Variants in KCNMA1 observed in about 807,000 individuals in gnomAD.
KCNMA1 encodes Calcium-activated potassium channel subunit alpha-1.
KCNMA1 carries 29 observed loss-of-function variants against 140.0 expected under a neutral mutation model. The ratio of observed to expected loss-of-function variants is 0.21; its 90% confidence interval spans 0.15 to 0.28. KCNMA1 has a LOEUF of 0.28. KCNMA1 is among the 10% of genes least tolerant of loss of function. The pLI is 1.00. For synonymous variants in KCNMA1, 612 were observed against 611.9 expected (o/e 1.00, Z 0.00); for missense variants, 880 against 1,602.2 (o/e 0.55, Z 7.70).
At chr10:76,907,596 T>A (rs2048318246) in intron 25 of KCNMA1, among the ~76,000 whole-genome samples, 1 of 152,182 alleles carries the variant, frequency 6.6e-6, no homozygotes. Context: ...TGGAGTGCAG[T>A]GGCGCTATAT....
chr10:77,197,424 A>G (rs933102728), intron 3 of KCNMA1, among the ~76,000 whole-genome samples: 7 of 152,162 alleles, frequency 4.6e-5, no homozygotes, highest in African/African-American at 1.7e-4. Flanking sequence ...CTAGCTTCTA[A>G]TTATTTGTCA....
intron 1 of KCNMA1, among the ~76,000 whole-genome samples, chr10:77,577,792 T>C (rs1422557905): frequency 2.0e-5 from 3 of 152,188 alleles, no homozygotes; most frequent in Non-Finnish European, 4.4e-5. Flanking sequence ...GTTGTGCTGG[T>C]GACATCCCCC....
intron 2 of KCNMA1, among the ~76,000 whole-genome samples, chr10:77,393,625 C>T (rs1431390079): frequency 1.3e-5 from 2 of 152,158 alleles, no homozygotes; most frequent in East Asian, 1.9e-4. Flanking sequence ...ACTGCCCAGC[C>T]GCACCACACA....
chr10:76,931,590 G>T (rs978792957), intron 23 of KCNMA1, among the ~76,000 whole-genome samples: 1 of 151,846 alleles, frequency 6.6e-6, no homozygotes, highest in Non-Finnish European at 1.5e-5. Context: ...CATGGGTCCT[G>T]CTCTGGAAGG....
At chr10:77,044,247 C>G (rs1278005003) in intron 14 of KCNMA1, among the ~76,000 whole-genome samples, 1 of 152,030 alleles carries the variant, frequency 6.6e-6, no homozygotes, top group Non-Finnish European at 1.5e-5. Flanking sequence ...CACCTTCTAT[C>G]AAGGTAACTT....
At chr10:76,977,336 T>C (rs1352088562) in intron 19 of KCNMA1, among the ~76,000 whole-genome samples, 1 of 152,150 alleles carries the variant, frequency 6.6e-6, no homozygotes, top group African/African-American at 2.4e-5. Context: ...TTTAAGTCAT[T>C]GGGGAAACAA....
intron 1 of KCNMA1, among the ~76,000 whole-genome samples, chr10:77,447,500 G>A (rs1047227550): frequency 6.6e-6 from 1 of 152,226 alleles, no homozygotes; most frequent in African/African-American, 2.4e-5. Context: ...TCTACTTGCT[G>A]ACGGAGCTCT....
intron 19 of KCNMA1, among the ~76,000 whole-genome samples, chr10:76,992,640 A>G (rs1358548201): frequency 6.6e-6 from 1 of 152,182 alleles, no homozygotes; most frequent in African/African-American, 2.4e-5. Flanking sequence ...GCCTACCACC[A>G]TGAGGGAACC....
At chr10:77,006,837 T>C (rs2088914259) in intron 18 of KCNMA1, among the ~76,000 whole-genome samples, 1 of 152,310 alleles carries the variant, frequency 6.6e-6, no homozygotes. Flanking sequence ...CAAGCCATGT[T>C]TAAAGGGTTC....
intron 1 of KCNMA1, among the ~76,000 whole-genome samples, chr10:77,445,727 T>C (rs1340533242): frequency 4.6e-5 from 7 of 152,042 alleles, no homozygotes; most frequent in Non-Finnish European, 1.0e-4. Context: ...CTCAGGAAAC[T>C]CAATCCCACC....
chr10:76,883,058 A>C (rs1406487157), downstream of KCNMA1, among the ~76,000 whole-genome samples: 1 of 152,144 alleles, frequency 6.6e-6, no homozygotes, highest in African/African-American at 2.4e-5. Context: ...GCTGCAGAAG[A>C]GCCAGACAAA....
At chr10:77,000,894 ATATATATC>A in intron 19 of KCNMA1, among the ~76,000 whole-genome samples, 3 of 120,190 alleles carry the variant, frequency 2.5e-5, no homozygotes, top group Non-Finnish European at 5.2e-5. Context: ...ATATATATAT[ATATATATC>A]CATCTGCATC....
intron 1 of KCNMA1, among the ~76,000 whole-genome samples, chr10:77,631,092 G>C (rs2093135656): frequency 8.0e-6 from 1 of 125,392 alleles, no homozygotes; most frequent in South Asian, 2.6e-4. Context: ...GGGCAACAGA[G>C]TGAGACCCTG....
At chr10:77,505,477 TG>T (rs1311144788) in intron 1 of KCNMA1, among the ~76,000 whole-genome samples, 1 of 152,184 alleles carries the variant, frequency 6.6e-6, no homozygotes, top group African/African-American at 2.4e-5. Flanking sequence ...AGAGAGGAAA[TG>T]GGGTAGAAGC....
chr10:77,618,631 C>T (rs1018939669), intron 1 of KCNMA1, among the ~76,000 whole-genome samples: 3 of 152,162 alleles, frequency 2.0e-5, no homozygotes, highest in African/African-American at 7.2e-5. Flanking sequence ...AAAGGCCAAG[C>T]ATATCAGAGG....
intron 2 of KCNMA1, among the ~76,000 whole-genome samples, chr10:77,337,351 T>C (rs749321397): frequency 5.3e-5 from 8 of 152,240 alleles, no homozygotes; most frequent in Admixed American, 1.3e-4. Context: ...CTCATGCCTG[T>C]AATCCCAGCA....
chr10:77,546,768 G>A (rs898843251), intron 1 of KCNMA1, among the ~76,000 whole-genome samples: 9 of 152,208 alleles, frequency 5.9e-5, no homozygotes, highest in Non-Finnish European at 8.8e-5. Context: ...TGTCAGGGGA[G>A]CACACAGATA....
chr10:77,194,584 G>C (rs931091794), intron 3 of KCNMA1, among the ~76,000 whole-genome samples: 47 of 152,294 alleles, frequency 3.1e-4, no homozygotes, highest in African/African-American at 1.1e-3. Context: ...GAACCAGCCT[G>C]TTCTGAGTTC....
At chr10:77,517,427 A>G (rs1410225984) in intron 1 of KCNMA1, among the ~76,000 whole-genome samples, 1 of 152,208 alleles carries the variant, frequency 6.6e-6, no homozygotes, top group Non-Finnish European at 1.5e-5. Flanking sequence ...CCAAGGCTGA[A>G]CACATAGATT....
Sources: allele counts gnomAD v4.1 joint callset (sites outside exome capture counted in the v4.1 genomes callset), GRCh38; gene constraint gnomAD v4.1.1; transcripts MANE v1.5; gene names NCBI Gene and HGNC (gene_info 2026-07-23, HGNC 2026-07-21).